Variants in MOGAT3 observed in about 807,000 individuals in gnomAD.
MOGAT3 encodes monoacylglycerol O-acyltransferase 3.
In MOGAT3, 39 loss-of-function variants were observed where a neutral mutation model predicts 34.4. The ratio of observed to expected loss-of-function variants is 1.13; its 90% CI spans 0.88 to 1.48. The LOEUF (loss-of-function observed/expected upper bound fraction) is 1.48. Ranked by LOEUF, MOGAT3 falls within the 40% of genes most tolerant of loss-of-function variation. The pLI, the probability that MOGAT3 is intolerant of heterozygous loss-of-function variation, is 0.00. For missense variants in MOGAT3, 439 were observed against 438.9 expected (o/e 1.00, Z 0.00); for synonymous variants, 209 against 179.2 (o/e 1.17, Z -1.33).
At chr7:101,199,773 C>A (rs1797902316) in intron 3 of MOGAT3, among the ~76,000 whole-genome samples, 1 of 151,492 alleles carries the variant, frequency 6.6e-6, no homozygotes, top group South Asian at 2.1e-4. Context: ...AGCCATGGTG[C>A]CCCACCAAGG....
chr7:101,199,614 CT>C (rs71126387), intron 3 of MOGAT3, among the ~76,000 whole-genome samples: 87,051 of 116,190 alleles, frequency 0.75, 32,690 homozygotes, highest in African/African-American at 0.8. Flanking sequence ...CCACAACCGC[CT>C]TTTTTTTTTT....
At chr7:101,197,618 G>A (rs1397961558) in intron 5 of MOGAT3, among the ~76,000 whole-genome samples, 1 of 152,134 alleles carries the variant, frequency 6.6e-6, no homozygotes, top group African/African-American at 2.4e-5. Flanking sequence ...AAACAAGTCC[G>A]GCCGGGCACG....
Position 101,195,688 on chromosome 7 carries a change from C to A in MOGAT3, c.*258G>T, listed in dbSNP as rs1584235641. 2.0e-6 allele frequency: 1 copy of A among 502,694 alleles called. No homozygotes were observed. The highest frequency in any genetic ancestry group is 2.0e-5 in the African/African-American group (1 of 50,494). The allele number at this position is 502,694 out of a possible 1,614,324, so 31.1% of individuals were successfully genotyped here. A position where few individuals can be genotyped will look rare whatever the true frequency, so the allele number is the denominator to read the frequency against. ...TCCCAAATAGCTGGGATTACAGGCA[C>A]ATGCCACCATGCCCGGCTAATTAAC... On this transcript the variant is annotated 3_prime_UTR_variant, in exon 7 of 7. Transcript: ENST00000223114.
downstream of MOGAT3, among the ~76,000 whole-genome samples, chr7:101,194,588 C>T (rs142606307): frequency 0.022 from 3,296 of 150,760 alleles, 176 homozygotes; most frequent in East Asian, 0.22. Flanking sequence ...CTGCAAGCTC[C>T]GCCTCACGGG....
intron 3 of MOGAT3, 104 bp downstream of exon 3, chr7:101,200,130 T>A: frequency 1.1e-6 from 1 of 946,378 alleles, no homozygotes; most frequent in South Asian, 1.3e-5. Flanking sequence ...CTGCCTGAGC[T>A]TAGGCAGCGG....
intron 5 of MOGAT3, among the ~76,000 whole-genome samples, chr7:101,197,792 C>T (rs1797834499): frequency 1.3e-5 from 2 of 152,044 alleles, no homozygotes; most frequent in Admixed American, 6.6e-5. Flanking sequence ...CCCAACTACT[C>T]GGGAGGCGGA....
At position 101,198,777 on chromosome 7, in the gene MOGAT3, G is replaced by A; in HGVS notation, c.342C>T (p.His114=). ...AGCCTGTACACATGATCCCATGAGG[G>A]TGGGCGCCCAGCACGTAGTTCCGAT... ...PPDRNYVLGA[H]PHGIMCTGFL... Residue 114 remains histidine, a synonymous_variant, in exon 4 of 7, where the codon CAC becomes CAT. Coordinates refer to ENST00000223114, the MANE Select transcript of MOGAT3 (RefSeq NM_178176.4). 6.2e-7 allele frequency: 1 copy of A among 1,614,056 alleles called. No individual in the cohort carries two copies. The highest frequency in any genetic ancestry group is 1.6e-4 in the Middle Eastern group (1 of 6,062).
intron 5 of MOGAT3, among the ~76,000 whole-genome samples, chr7:101,196,719 A>T (rs1020260448): frequency 6.6e-6 from 1 of 152,142 alleles, no homozygotes; most frequent in Non-Finnish European, 1.5e-5. Context: ...AAACATAAAA[A>T]TTAGCCAGGT....
chr7:101,200,334 C>G (rs915780873), intron 2 of MOGAT3, 30 bp from the exon 3 acceptor site: 56 of 1,612,318 alleles, frequency 3.5e-5, no homozygotes, highest in Non-Finnish European at 4.5e-5. Flanking sequence ...GGTGGACGAA[C>G]CCCCGGAGTC....
Position 101,196,255 on chromosome 7 carries a change from C to T in MOGAT3, c.803G>A (p.Trp268Ter). ...KLMGFSPCIF[W>*]GRGLFSATSW... ...GGTGGCTGAGAAGAGACCGCGACCC[C>T]AGAAGATGCAAGGAGAGAAGCCCAT... Residue 268 changes from tryptophan (W) to a stop codon, truncating the protein, a stop_gained, in exon 6 of 7, where the codon TGG (tryptophan) becomes TAG (stop). Transcript: ENST00000223114. LOFTEE classifies it high-confidence loss of function. 3 of 1,608,322 alleles carry T rather than the reference C, an allele frequency of 1.9e-6. No homozygotes were observed. The highest frequency in any genetic ancestry group is 2.5e-6 in the Non-Finnish European group (3 of 1,177,450).
rs189587495 is a variant in MOGAT3 at position 101,198,983 on chromosome 7, T to G, written c.289-153A>C. ...AGTTCCGAGTTAAAGGTTCTTAGGA[T>G]AGGGTTAAGGGCCCAGGTTTTTTTT... On this transcript the variant is annotated intron_variant, in intron 3 of 6. Transcript: ENST00000223114. 2.1e-5 allele frequency among the ~76,000 whole-genome samples: 3 copies of G among 146,048 alleles called. No individual in the cohort carries two copies. The Admixed American group carries it at 2.1e-4, about 10-fold the overall frequency.
At chr7:101,198,544 T>G (rs1797862079) in intron 4 of MOGAT3, 82 bp downstream of exon 4, 10 of 1,371,898 alleles carry the variant, frequency 7.3e-6, no homozygotes, top group Non-Finnish European at 6.8e-6. Context: ...GGGGACTTAT[T>G]ATGGGGGGGG....
chr7:101,198,549 G>C, intron 4 of MOGAT3, 77 bp downstream of exon 4: 2 of 1,420,730 alleles, frequency 1.4e-6, no homozygotes, highest in Non-Finnish European at 9.6e-7. Flanking sequence ...CTTATTATGG[G>C]GGGGGGTGGT....
At chr7:101,194,478 A>AGCCG (rs1279041128), downstream of MOGAT3, among the ~76,000 whole-genome samples, 1 of 139,606 alleles carries the variant, frequency 7.2e-6, no homozygotes, top group Non-Finnish European at 1.5e-5. Flanking sequence ...GAGCCACAGC[A>AGCCG]GCCGGCCATA....
At chr7:101,197,114 C>A (rs1797812258) in intron 5 of MOGAT3, among the ~76,000 whole-genome samples, 2 of 151,622 alleles carry the variant, frequency 1.3e-5, no homozygotes, top group South Asian at 4.2e-4. Context: ...CCACTGCACT[C>A]CAGCCTGGGT....
chr7:101,197,585 A>G (rs1277467832), intron 5 of MOGAT3, among the ~76,000 whole-genome samples: 1 of 152,128 alleles, frequency 6.6e-6, no homozygotes, highest in Non-Finnish European at 1.5e-5. Context: ...CAAGGTAGGT[A>G]TCAGCCCTCT....
In MOGAT3 at chr7:101,198,184, C is replaced by A; in HGVS notation, c.668+7G>T. The stretch of plus-strand genomic sequence containing the variant: ...AACTGACAGGTAGGGCCTGCACGCG[C>A]ACTCACCCGTGCCTCAGCGCCAGGC... On this transcript the variant is annotated splice_region_variant and intron_variant, in intron 5 of 6. Transcript: ENST00000223114. 2 of 1,608,320 alleles carry A rather than the reference C, an allele frequency of 1.2e-6. No individual in the cohort carries two copies. The highest frequency in any genetic ancestry group is 1.7e-6 in the Non-Finnish European group (2 of 1,176,920).
At position 101,195,787 on chromosome 7, in the gene MOGAT3, A is replaced by G; in HGVS notation, c.*159T>C. ...AGGCTGGTCTTCAACTCCTGGGCTC[A>G]AACGATCCTCCCACCTTGGCCTCCC... On this transcript the variant is annotated 3_prime_UTR_variant, in exon 7 of 7. Transcript: ENST00000223114. The G allele has an allele frequency of 1.3e-6, 1 of 742,482 alleles. No homozygotes were observed. Among genetic ancestry groups the G allele is most frequent in the Non-Finnish European group, 2.2e-6 (1 of 451,000 alleles). 46.0% of individuals were successfully genotyped at this position (742,482 alleles called of 1,614,324 possible).
Position 101,198,793 on chromosome 7 carries a change from T to C in MOGAT3, c.326A>G (p.Tyr109Cys). 6.2e-7 allele frequency: 1 copy of C among 1,613,700 alleles called. No individual in the cohort carries two copies. Among genetic ancestry groups the C allele is most frequent in the Non-Finnish European group, 8.5e-7 (1 of 1,179,936 alleles). ...CCCATGAGGGTGGGCGCCCAGCACG[T>C]AGTTCCGATCCGGGGGCAGCTCTGC... is the stretch of plus-strand genomic sequence containing the variant. ...KTAELPPDRN[Y>C]VLGAHPHGIM... The change falls in exon 4 of 7, where the codon TAC (tyrosine) becomes TGC (cysteine). Residue 109 changes from tyrosine (Y) to cysteine (C), a missense_variant. Tyr to Cys is a radical substitution (Grantham distance 194). Transcript: ENST00000223114.
Sources: allele counts gnomAD v4.1 joint callset (sites outside exome capture counted in the v4.1 genomes callset), GRCh38; gene constraint gnomAD v4.1.1; transcripts MANE v1.5; gene names NCBI Gene and HGNC (gene_info 2026-07-23, HGNC 2026-07-21).